The following OR9Q1 variants were observed in gnomAD, a reference collection of about 807,000 sequenced individuals.
OR9Q1 encodes olfactory receptor family 9 subfamily Q member 1.
For synonymous variants in OR9Q1, 153 were observed against 148.6 expected, an observed-to-expected ratio of 1.03 and a Z score of -0.22; for missense variants, 374 against 378.8, an observed-to-expected ratio of 0.99 and a Z score of 0.11.
chr11:58,067,048 T>C lies in OR9Q1; in HGVS notation c.-15+11101T>C, dbSNP rs1291345448. ...TTGGCTTGAATTCTTTTTTTTTTTT[T>C]TGAGACAGAGTCTCGTTCTGTCGCC... is the stretch of plus-strand genomic sequence containing the variant. On this transcript the variant is annotated intron_variant, in intron 2 of 2. Transcript: ENST00000335397. Among the ~76,000 whole-genome samples, 7 of 151,832 alleles carry C rather than the reference T, an allele frequency of 4.6e-5. No homozygotes were observed. The East Asian group carries it at 1.2e-3, about 25-fold the overall frequency.
At chr11:58,114,567 TG>T (rs1279671086) in intron 2 of OR9Q1, among the ~76,000 whole-genome samples, 2 of 152,116 alleles carry the variant, frequency 1.3e-5, no homozygotes, top group Non-Finnish European at 2.9e-5. Flanking sequence ...ACATTGGGTC[TG>T]GGGATGAAAA....
intron 1 of OR9Q1, among the ~76,000 whole-genome samples, chr11:58,045,534 A>G (rs950811796): frequency 2.0e-5 from 3 of 152,086 alleles, no homozygotes; most frequent in Non-Finnish European, 4.4e-5. Flanking sequence ...ACGCCTGGCC[A>G]TAATGATATG....
At position 58,031,169 on chromosome 11, in the gene OR9Q1, A is replaced by G. The variant is rs374710133; in HGVS notation, c.-93+7065A>G. 128 of 1,614,066 alleles carry G rather than the reference A, an allele frequency of 7.9e-5. No individual in the cohort carries two copies. Among genetic ancestry groups the G allele is most frequent in the Non-Finnish European group, 1.1e-4 (124 of 1,180,026 alleles). On this transcript the variant is annotated intron_variant, in intron 1 of 2. Coordinates refer to ENST00000335397, the MANE Select transcript of OR9Q1 (RefSeq NM_001005212.4). ...CCTGACACACTTGTCCTGCCTTGAAATCTGGTACACTTCTGTTACAGTGCC... is the reference window on the plus strand; with the variant it reads ...CCTGACACACTTGTCCTGCCTTGAAGTCTGGTACACTTCTGTTACAGTGCC...
chr11:58,161,518 C>CTATTGT (rs1383196451), intron 2 of OR9Q1, among the ~76,000 whole-genome samples: 4 of 150,878 alleles, frequency 2.7e-5, no homozygotes, highest in African/African-American at 9.8e-5. Flanking sequence ...AATAAATTTC[C>CTATTGT]TTTTGTTTTT....
intron 2 of OR9Q1, among the ~76,000 whole-genome samples, chr11:58,137,870 C>T (rs1854203644): frequency 6.6e-6 from 1 of 152,174 alleles, no homozygotes; most frequent in Admixed American, 6.5e-5. Context: ...ACAGTGAATA[C>T]TCTCTTAATG....
chr11:58,146,834 T>C (rs1854303508), intron 2 of OR9Q1, among the ~76,000 whole-genome samples: 1 of 152,200 alleles, frequency 6.6e-6, no homozygotes, highest in Non-Finnish European at 1.5e-5. Flanking sequence ...GGAACTGGGA[T>C]TGGCTGTAGC....
chr11:58,053,063 T>G (rs1488943614), intron 1 of OR9Q1, among the ~76,000 whole-genome samples: 2 of 151,658 alleles, frequency 1.3e-5, no homozygotes, highest in African/African-American at 4.8e-5. Context: ...GATCTAGAAC[T>G]AGAAATACCA....
At chr11:58,163,161 G>T (rs1350802319) in intron 2 of OR9Q1, among the ~76,000 whole-genome samples, 1 of 152,134 alleles carries the variant, frequency 6.6e-6, no homozygotes, top group African/African-American at 2.4e-5. Flanking sequence ...TAATTTTAAG[G>T]TTCAGCTCAA....
intron 1 of OR9Q1, among the ~76,000 whole-genome samples, chr11:58,036,278 C>G (rs1295340590): frequency 6.6e-6 from 1 of 152,192 alleles, no homozygotes; most frequent in Non-Finnish European, 1.5e-5. Context: ...TGAATATTTT[C>G]AGCCTACTAT....
At chr11:58,126,802 A>AGAAT (rs1854094472) in intron 2 of OR9Q1, among the ~76,000 whole-genome samples, 1 of 152,198 alleles carries the variant, frequency 6.6e-6, no homozygotes, top group Admixed American at 6.5e-5. Flanking sequence ...GCCAGTAATA[A>AGAAT]GAATATTCCA....
chr11:58,043,857 G>T (rs1206879117), intron 1 of OR9Q1, among the ~76,000 whole-genome samples: 1 of 152,190 alleles, frequency 6.6e-6, no homozygotes, highest in Non-Finnish European at 1.5e-5. Context: ...TGTGCTAGGT[G>T]TAGGGGTCCA....
At chr11:58,158,758 G>C (rs1022014315) in intron 2 of OR9Q1, among the ~76,000 whole-genome samples, 15 of 152,146 alleles carry the variant, frequency 9.9e-5, no homozygotes, top group African/African-American at 3.4e-4. Flanking sequence ...ATGAAAGACT[G>C]GTGTTTCTAA....
chr11:58,046,319 T>C (rs1477015061), intron 1 of OR9Q1, among the ~76,000 whole-genome samples: 1 of 152,180 alleles, frequency 6.6e-6, no homozygotes, highest in African/African-American at 2.4e-5. Flanking sequence ...GGTGTGATAG[T>C]CATGGGAATA....
chr11:58,174,732 A>C (rs2119958770), intron 2 of OR9Q1, among the ~76,000 whole-genome samples: 1 of 151,098 alleles, frequency 6.6e-6, no homozygotes, highest in East Asian at 1.9e-4. Flanking sequence ...CCCTTTGTTG[A>C]GGAAAGTATC....
In OR9Q1 at chr11:58,031,160, T is replaced by G. The variant is rs780234647; in HGVS notation, c.-93+7056T>G. On this transcript the variant is annotated intron_variant, in intron 1 of 2. Coordinates refer to ENST00000335397, the MANE Select transcript of OR9Q1 (RefSeq NM_001005212.4). Reference sequence around the variant, plus strand: ...GTATTTCTTCCTGACACACTTGTCCTGCCTTGAAATCTGGTACACTTCTGT... The same window carrying G: ...GTATTTCTTCCTGACACACTTGTCCGGCCTTGAAATCTGGTACACTTCTGT... 3 of 1,614,118 alleles carry G rather than the reference T, an allele frequency of 1.9e-6. No individual in the cohort carries two copies. In the African/African-American group the frequency reaches 4.0e-5, roughly 22 times the overall value.
In OR9Q1 at chr11:58,037,701, T is replaced by G. The variant is rs1853120882; in HGVS notation, c.-93+13597T>G. On this transcript the variant is annotated intron_variant, in intron 1 of 2. Transcript: ENST00000335397. ...TATATATATATATATTTTTTTTTTT[T>G]TTTTTTTTTTTTTTTTTTTTTTTTT... Among the ~76,000 whole-genome samples the G allele has an allele frequency of 1.9e-3, 16 of 8,624 alleles. 3 individuals are homozygous for G. Among genetic ancestry groups the G allele is most frequent in the Non-Finnish European group, 2.5e-3 (12 of 4,874 alleles). 5.7% of individuals were successfully genotyped at this position (8,624 alleles called of 152,430 possible).
chr11:58,054,627 T>C (rs1853309314), intron 1 of OR9Q1, among the ~76,000 whole-genome samples: 2 of 152,244 alleles, frequency 1.3e-5, no homozygotes, highest in Non-Finnish European at 1.5e-5. Context: ...AGTAAATACT[T>C]GTGGCATAAA....
chr11:58,093,975 C>T (rs573726079), intron 2 of OR9Q1, among the ~76,000 whole-genome samples: 1 of 152,094 alleles, frequency 6.6e-6, no homozygotes, highest in Non-Finnish European at 1.5e-5. Flanking sequence ...ATATTTACAT[C>T]AAAAATATGC....
At chr11:58,122,908 T>C (rs1854049155) in intron 2 of OR9Q1, among the ~76,000 whole-genome samples, 1 of 152,122 alleles carries the variant, frequency 6.6e-6, no homozygotes, top group South Asian at 2.1e-4. Flanking sequence ...TAAATCTCAT[T>C]TTTTAGCATA....
Sources: allele counts gnomAD v4.1 joint callset (sites outside exome capture counted in the v4.1 genomes callset), GRCh38; gene constraint gnomAD v4.1.1; transcripts MANE v1.5; gene names NCBI Gene and HGNC (gene_info 2026-07-23, HGNC 2026-07-21).